WNK4: variants seen among roughly 807,000 people sequenced by gnomAD.
The protein encoded by WNK4 is serine/threonine-protein kinase WNK4.
In WNK4, 94 loss-of-function variants were observed where a neutral mutation model predicts 116.2. The observed-to-expected ratio is 0.81, with a 90% CI of 0.68 to 0.96. The LOEUF (loss-of-function observed/expected upper bound fraction) is 0.96, where lower values mean the gene tolerates loss of function less well. Ranked by LOEUF, WNK4 falls within the 40% of genes least tolerant of loss-of-function variation. The pLI, the probability that WNK4 is intolerant of heterozygous loss-of-function variation, is 0.00. For synonymous variants in WNK4, 655 were observed against 672.7 expected, an observed-to-expected ratio of 0.97 and a Z score of 0.41; for missense variants, 1,542 against 1,650.6, an observed-to-expected ratio of 0.93 and a Z score of 1.14.
At position 42,785,312 on chromosome 17, in the gene WNK4, C is replaced by G; in HGVS notation, c.1306C>G (p.Arg436Gly). The change falls in exon 6 of 19, where the codon CGC becomes GGC. Residue 436 changes from arginine to glycine, a missense_variant. Physicochemically the swap from Arg to Gly is moderately radical, Grantham distance 125. This residue lies in a region of WNK4 where 808 missense variants were observed against 873.6 expected (regional missense o/e 0.92). Transcript: ENST00000246914. ...LLAHAFFREE[R>G]GVHVELAEED... The stretch of plus-strand genomic sequence containing the variant: ...GGCCCACGCCTTCTTCCGCGAGGAG[C>G]GCGGTGTGCACGTGGAACTAGCGGA... 1 of 1,612,052 alleles carries G rather than the reference C, an allele frequency of 6.2e-7. No homozygotes were observed. Among genetic ancestry groups the G allele is most frequent in the South Asian group, 1.1e-5 (1 of 90,700 alleles).
In WNK4 at chr17:42,788,289, G is replaced by C. The variant is rs1454792419; in HGVS notation, c.1923-1G>C. The C allele has an allele frequency of 2.5e-6, 4 of 1,614,050 alleles. No homozygotes were observed. The African/African-American group carries it at 5.3e-5, about 22-fold the overall frequency. On this transcript the variant is annotated splice_acceptor_variant, in intron 9 of 18. Coordinates refer to ENST00000246914, the MANE Select transcript of WNK4 (RefSeq NM_032387.5). LOFTEE classifies it high-confidence loss of function. ...CATTCTCTCTCCTTTCTCTTTAACA[G>C]CTATGCCTCAGATGCAGCTTCAGGC... is the stretch of plus-strand genomic sequence containing the variant.
At chr17:42,783,702 T>C in intron 2 of WNK4, 2 of 588,764 alleles carry the variant, frequency 3.4e-6, no homozygotes, top group Admixed American at 2.9e-5. Context: ...CACAGCACCT[T>C]GGCCGAGGCC....
chr17:42,781,712 A>G (rs890986078), intron 1 of WNK4, among the ~76,000 whole-genome samples: 1 of 151,246 alleles, frequency 6.6e-6, no homozygotes, highest in African/African-American at 2.4e-5. Context: ...TGATCCCCTC[A>G]CTCCTCCCGT....
At position 42,780,771 on chromosome 17, in the gene WNK4, C is replaced by T. The variant is rs2054472504; in HGVS notation, c.73C>T (p.Pro25Ser). 7 of 1,607,216 alleles carry T rather than the reference C, an allele frequency of 4.4e-6. No individual in the cohort carries two copies. Among genetic ancestry groups the T allele is most frequent in the Middle Eastern group, 1.7e-4 (1 of 5,874 alleles). Residue 25 changes from proline (P) to serine (S), a missense_variant, in exon 1 of 19, where the codon CCG becomes TCG. By Grantham distance (74) the Pro-to-Ser change is moderately conservative. Around this residue, in one of 7 missense-constraint regions of WNK4, gnomAD observed 243 missense variants for 217.8 expected, o/e 1.12. Coordinates refer to ENST00000246914, the MANE Select transcript of WNK4 (RefSeq NM_032387.5). ...TGAGGCCGACCTGGCCCTGCGGCCCCCGCCTCCTCTTGGCACCGCGGGGCA... is the reference window on the plus strand; with the variant it reads ...TGAGGCCGACCTGGCCCTGCGGCCCTCGCCTCCTCTTGGCACCGCGGGGCA... Reference protein sequence around the residue: ...QTEADLALRPPPPLGTAGQPR... With the variant: ...QTEADLALRPSPPLGTAGQPR...
Position 42,782,732 on chromosome 17 carries a change from C to G in WNK4, c.619-26C>G, listed in dbSNP as rs201975137. 2.5e-6 allele frequency: 4 copies of G among 1,613,728 alleles called. No homozygotes were observed. The African/African-American group carries it at 5.3e-5, about 21-fold the overall frequency. On this transcript the variant is annotated intron_variant, in intron 1 of 18. Coordinates refer to ENST00000246914, the MANE Select transcript of WNK4 (RefSeq NM_032387.5). The surrounding 1 kb of genome is among the most constrained non-coding windows in gnomAD (Gnocchi z 4.2). ...CTTTCTGTGGGTGTCCTGGGCCTGACATGACACCCGTCCCCCATCCCACAG... is the reference window on the plus strand; with the variant it reads ...CTTTCTGTGGGTGTCCTGGGCCTGAGATGACACCCGTCCCCCATCCCACAG...
At position 42,780,698 on chromosome 17, in the gene WNK4, C is replaced by T. The variant is rs2054471259; in HGVS notation, c.-1C>T. The T allele has an allele frequency of 6.2e-7, 1 of 1,607,806 alleles. No homozygotes were observed. The highest frequency in any genetic ancestry group is 8.5e-7 in the Non-Finnish European group (1 of 1,179,488). On this transcript the variant is annotated 5_prime_UTR_variant, in exon 1 of 19. Transcript: ENST00000246914. ...TACCCTTCGGCGCCCTGCTCTTCCTCATGTTGGCATCCCCGGCCACGGAGA... is the reference window on the plus strand; with the variant it reads ...TACCCTTCGGCGCCCTGCTCTTCCTTATGTTGGCATCCCCGGCCACGGAGA...
intron 10 of WNK4, 78 bp from the exon 11 acceptor site, chr17:42,788,603 C>T: frequency 7.6e-7 from 1 of 1,322,256 alleles, no homozygotes; most frequent in Non-Finnish European, 1.1e-6. Flanking sequence ...GCTGCTGTCA[C>T]TTGGCTGGGG....
chr17:42,789,764 G>T (rs928670863), intron 11 of WNK4, among the ~76,000 whole-genome samples: 2 of 152,080 alleles, frequency 1.3e-5, no homozygotes, highest in Admixed American at 1.3e-4. Context: ...CCAGCACTTT[G>T]GGTGGATGAA....
Position 42,787,328 on chromosome 17 carries a change from A to G in WNK4, c.1527A>G (p.Ala509=), listed in dbSNP as rs2054560109. 5 of 1,614,110 alleles carry G rather than the reference A, an allele frequency of 3.1e-6. No individual in the cohort carries two copies. Among genetic ancestry groups the G allele is most frequent in the Non-Finnish European group, 4.2e-6 (5 of 1,180,020 alleles). ...CCGATTACCAGCCAGTGGCCCGTGCAGTACGTGAACGGGTTGCTGCCATCC... is the reference window on the plus strand; with the variant it reads ...CCGATTACCAGCCAGTGGCCCGTGCGGTACGTGAACGGGTTGCTGCCATCC... ...CEADYQPVAR[A]VRERVAAIQR... Residue 509 remains alanine, a synonymous_variant, in exon 7 of 19, where the codon GCA becomes GCG. Transcript: ENST00000246914.
chr17:42,796,147 A>G lies in WNK4; in HGVS notation c.3456A>G (p.Leu1152=). 1 of 1,614,130 alleles carries G rather than the reference A, an allele frequency of 6.2e-7. No homozygotes were observed. Among genetic ancestry groups the G allele is most frequent in the Non-Finnish European group, 8.5e-7 (1 of 1,180,024 alleles). The change falls in exon 17 of 19, where the codon CTA becomes CTG. Residue 1152 remains leucine, a synonymous_variant. Transcript: ENST00000246914. Reference sequence around the variant, plus strand: ...GGCACTTGTCAGAGGTGGAAACACTACAGACACTACAGAAAAAAGAAATTG... The same window carrying G: ...GGCACTTGTCAGAGGTGGAAACACTGCAGACACTACAGAAAAAAGAAATTG... ...RQKHLSEVET[L]QTLQKKEIED...
intron 15 of WNK4, 30 bp downstream of exon 15, chr17:42,795,551 G>C (rs1329912810): frequency 6.2e-7 from 1 of 1,614,208 alleles, no homozygotes; most frequent in Non-Finnish European, 8.5e-7. Flanking sequence ...ACCTTCCCCT[G>C]CCATTATCCC....
Position 42,795,271 on chromosome 17 carries a change from C to T in WNK4, c.2850C>T (p.Ser950=). The T allele has an allele frequency of 1.2e-6, 2 of 1,613,906 alleles. No homozygotes were observed. Among genetic ancestry groups the T allele is most frequent in the Middle Eastern group, 1.7e-4 (1 of 6,060 alleles). The part of the protein sequence containing the change: ...SLLSPSPGLL[S]QSPPAPPSPL... ...TGTCCCCCTCACCTGGGCTCCTTTC[C>T]CAGTCTCCTCCAGCCCCTCCTAGTC... The change falls in exon 14 of 19, where the codon TCC becomes TCT. Residue 950 remains serine, a synonymous_variant. Coordinates refer to ENST00000246914, the MANE Select transcript of WNK4 (RefSeq NM_032387.5).
Position 42,780,618 on chromosome 17 carries a change from G to A in WNK4, c.-81G>A. ...GCCGCAGCCGCTCAGCCGGAGCGCA[G>A]CGCACCCAGCGAGTCCGTCTGTCAG... On this transcript the variant is annotated 5_prime_UTR_variant, in exon 1 of 19. Coordinates refer to ENST00000246914, the MANE Select transcript of WNK4 (RefSeq NM_032387.5). 6.4e-7 allele frequency: 1 copy of A among 1,570,262 alleles called. No individual in the cohort carries two copies. Among genetic ancestry groups the A allele is most frequent in the Non-Finnish European group, 8.6e-7 (1 of 1,161,890 alleles).
intron 11 of WNK4, among the ~76,000 whole-genome samples, chr17:42,791,962 A>AAAT (rs1555658251): frequency 5.9e-5 from 9 of 151,988 alleles, no homozygotes; most frequent in African/African-American, 2.2e-4. Flanking sequence ...AAAAAAAAAA[A>AAAT]AATAATAATG....
chr17:42,787,468 C>CT lies in WNK4; in HGVS notation c.1668dup (p.Glu557Ter), dbSNP rs1568029508. 1 of 1,505,884 alleles carries CT rather than the reference C, an allele frequency of 6.6e-7. No homozygotes were observed. Among genetic ancestry groups the CT allele is most frequent in the South Asian group, 1.1e-5 (1 of 89,904 alleles). The allele number at this position is 1,505,884 out of a possible 1,614,324, so 93.3% of individuals were successfully genotyped here. ...CCCGGTCCCCCCAGTGTCTTCCCCC[C>CT]TGAGCCTGAGGAGCCAGAGGCAGAC... On this transcript the variant is annotated frameshift_variant, in exon 7 of 19. Transcript: ENST00000246914. LOFTEE classifies it high-confidence loss of function.
At position 42,788,253 on chromosome 17, in the gene WNK4, G is replaced by T. The variant is rs773839947; in HGVS notation, c.1923-37G>T. On this transcript the variant is annotated intron_variant, in intron 9 of 18. Coordinates refer to ENST00000246914, the MANE Select transcript of WNK4 (RefSeq NM_032387.5). Reference sequence around the variant, plus strand: ...CTGGGGCACTGGGGTCCCAGTGTCTGCTCTGACAGTCATTCTCTCTCCTTT... The same window carrying T: ...CTGGGGCACTGGGGTCCCAGTGTCTTCTCTGACAGTCATTCTCTCTCCTTT... The T allele has an allele frequency of 5.6e-6, 9 of 1,613,624 alleles. No homozygotes were observed. The South Asian group carries it at 8.8e-5, about 16-fold the overall frequency.
intron 8 of WNK4, 109 bp from the exon 9 acceptor site, chr17:42,788,021 C>G: frequency 6.3e-7 from 1 of 1,586,294 alleles, no homozygotes; most frequent in Admixed American, 1.7e-5. Flanking sequence ...TCTTGCCCTC[C>G]TCTTCCCTAA....
At chr17:42,788,101 T>C (rs750240639) in intron 8 of WNK4, 29 bp from the exon 9 acceptor site, 1 of 1,613,450 alleles carries the variant, frequency 6.2e-7, no homozygotes, top group African/African-American at 1.3e-5. Context: ...TATCTTCCCC[T>C]GACCTCATGA....
intron 11 of WNK4, among the ~76,000 whole-genome samples, chr17:42,792,241 C>A (rs184912341): frequency 6.6e-6 from 1 of 152,192 alleles, no homozygotes; most frequent in Non-Finnish European, 1.5e-5. Flanking sequence ...GAAGTGTCCA[C>A]ACATGGTAGG....
Sources: gnomAD v4.1 joint callset for allele counts (sites outside exome capture counted in the v4.1 genomes callset) on GRCh38, gnomAD v4.1.1 for gene constraint, gnomAD v4.1.1 regional missense constraint, Gnocchi (gnomAD v3.1) non-coding constraint, MANE v1.5 for transcripts, NCBI Gene and HGNC (gene_info 2026-07-23, HGNC 2026-07-21) for gene names.